FAXC: variants seen among roughly 807,000 people sequenced by gnomAD.
FAXC encodes failed axon connections homolog.
In FAXC, 10 loss-of-function variants were observed where a neutral mutation model predicts 41.9. The observed-to-expected ratio is 0.24, with a 90% CI of 0.15 to 0.41. The LOEUF is 0.41. FAXC is among the 10% of genes least tolerant of loss of function. The pLI is 1.00. For synonymous variants in FAXC, 183 were observed against 183.8 expected (o/e 1.00, Z 0.03); for missense variants, 399 against 510.9 (o/e 0.78, Z 2.11).
At chr6:99,311,693 T>C (rs1449218760) in intron 4 of FAXC, among the ~76,000 whole-genome samples, 3 of 152,206 alleles carry the variant, frequency 2.0e-5, no homozygotes, top group Non-Finnish European at 4.4e-5. Flanking sequence ...CCTCCTCAGC[T>C]ATCATGACAG....
intron 4 of FAXC, among the ~76,000 whole-genome samples, chr6:99,320,818 C>T (rs550638550): frequency 5.9e-5 from 9 of 152,326 alleles, no homozygotes; most frequent in African/African-American, 2.2e-4. Context: ...GGCCAACACA[C>T]TGCCGCCTCA....
At chr6:99,293,714 C>CTG (rs72463794) in intron 4 of FAXC, among the ~76,000 whole-genome samples, 168 of 64,092 alleles carry the variant, frequency 2.6e-3, no homozygotes, top group Middle Eastern at 0.018. Flanking sequence ...GTGTGTGTGT[C>CTG]TGTGTGTGTG....
chr6:99,280,224 T>C lies in FAXC; in HGVS notation c.*940A>G, dbSNP rs1243893293. The C allele has an allele frequency of 6.6e-6, 1 of 152,240 alleles. No homozygotes were observed. The highest frequency in any genetic ancestry group is 1.9e-4 in the East Asian group (1 of 5,206). The allele number at this position is 152,240 out of a possible 1,614,324, so 9.4% of individuals were successfully genotyped here. ...TAATTTGTAAAAACATTTCCAATGT[T>C]CTTTGAACAAAAGATTTTGATTCAG... On this transcript the variant is annotated 3_prime_UTR_variant, in exon 6 of 6. Coordinates refer to ENST00000389677, the MANE Select transcript of FAXC (RefSeq NM_032511.4).
In FAXC at chr6:99,349,568, G is replaced by T; in HGVS notation, c.-196C>A. ...AGGAAGGGCACTGGCCGCGGACGGC[G>T]GGCCTGGCCGGCGGGGCCCCAGAGC... On this transcript the variant is annotated 5_prime_UTR_variant, in exon 1 of 6. Coordinates refer to ENST00000389677, the MANE Select transcript of FAXC (RefSeq NM_032511.4). 1 of 219,480 alleles carries T rather than the reference G, an allele frequency of 4.6e-6. No homozygotes were observed. The highest frequency in any genetic ancestry group is 7.7e-6 in the Non-Finnish European group (1 of 129,196). 13.6% of individuals were successfully genotyped at this position (219,480 alleles called of 1,614,324 possible). A position where few individuals can be genotyped will look rare whatever the true frequency, so the allele number is the denominator to read the frequency against.
intron 1 of FAXC, among the ~76,000 whole-genome samples, chr6:99,348,034 AG>A (rs752245338): frequency 4.5e-4 from 69 of 152,234 alleles, no homozygotes; most frequent in Non-Finnish European, 9.1e-4. Flanking sequence ...TATGTACGTT[AG>A]GCCAAATGCC....
intron 2 of FAXC, among the ~76,000 whole-genome samples, chr6:99,338,654 C>T (rs1044128704): frequency 1.3e-5 from 2 of 152,210 alleles, no homozygotes; most frequent in African/African-American, 4.8e-5. Context: ...GGAATAGAGA[C>T]AGGTAGCTGT....
intron 4 of FAXC, among the ~76,000 whole-genome samples, chr6:99,310,779 C>T (rs923740210): frequency 1.7e-4 from 26 of 152,216 alleles, no homozygotes; most frequent in African/African-American, 6.3e-4. Flanking sequence ...CGTAGATGTT[C>T]ATCCTTTTCC....
At chr6:99,303,368 T>A (rs1329737175) in intron 4 of FAXC, among the ~76,000 whole-genome samples, 1 of 152,238 alleles carries the variant, frequency 6.6e-6, no homozygotes, top group Non-Finnish European at 1.5e-5. Context: ...ATGGCAACTA[T>A]TTATAATACC....
At position 99,329,868 on chromosome 6, in the gene FAXC, G is replaced by A. The variant is rs763853636; in HGVS notation, c.599+3483C>T. ...AATGCCTGTGTGTATGTGTGCACGC[G>A]TGCACACATACACACAGGCATTAGA... On this transcript the variant is annotated intron_variant, in intron 3 of 5. Coordinates refer to ENST00000389677, the MANE Select transcript of FAXC (RefSeq NM_032511.4). Among the ~76,000 whole-genome samples the A allele has an allele frequency of 1.1e-4, 17 of 149,482 alleles. No individual in the cohort carries two copies. In the East Asian group the frequency reaches 1.2e-3, roughly 10 times the overall value.
Position 99,271,694 on chromosome 6 carries a change from A to G in FAXC, c.*9470T>C, listed in dbSNP as rs1011086171. On this transcript the variant is annotated 3_prime_UTR_variant, in exon 6 of 6. Coordinates refer to ENST00000389677, the MANE Select transcript of FAXC (RefSeq NM_032511.4). Reference sequence around the variant, plus strand: ...AGATAAGAGATACTCAATCAGTATTATCACTGAAATGGGAAATTAGGGGGT... The same window carrying G: ...AGATAAGAGATACTCAATCAGTATTGTCACTGAAATGGGAAATTAGGGGGT... 1.1e-4 allele frequency: 16 copies of G among 152,246 alleles called. No homozygotes were observed. The highest frequency in any genetic ancestry group is 3.6e-4 in the African/African-American group (15 of 41,468). 9.4% of individuals were successfully genotyped at this position (152,246 alleles called of 1,614,324 possible). A position where few individuals can be genotyped will look rare whatever the true frequency, so the allele number is the denominator to read the frequency against.
chr6:99,334,860 C>T (rs1773159991), intron 2 of FAXC, among the ~76,000 whole-genome samples: 2 of 152,228 alleles, frequency 1.3e-5, no homozygotes, highest in Non-Finnish European at 1.5e-5. Context: ...CACTGCCCAC[C>T]TGCCCGGTCT....
chr6:99,295,107 C>T (rs1004941728), intron 4 of FAXC, among the ~76,000 whole-genome samples: 10 of 151,994 alleles, frequency 6.6e-5, no homozygotes, highest in Admixed American at 2.0e-4. Flanking sequence ...GAACACAGAA[C>T]GCAAAAGGGA....
chr6:99,284,149 C>G (rs1027050297), intron 5 of FAXC: 3 of 152,220 alleles, frequency 2.0e-5, no homozygotes, highest in African/African-American at 7.2e-5. Flanking sequence ...TGCCCTTCAC[C>G]TCCACTCAAC....
At chr6:99,342,837 G>A (rs374696716) in intron 2 of FAXC, 61 bp downstream of exon 2, 3 of 1,503,656 alleles carry the variant, frequency 2.0e-6, no homozygotes, top group East Asian at 4.6e-5. Flanking sequence ...CCCCCCTTTA[G>A]TTAAATACTC....
At position 99,291,722 on chromosome 6, in the gene FAXC, G is replaced by A. The variant is rs751465118; in HGVS notation, c.922C>T (p.Pro308Ser). ...QAMWTLPGTR[P>S]ERLIKGELIN... Reference sequence around the variant, plus strand: ...GGCTTGCCTTTGATCAGCCGTTCGGGTCTTGTCCCTGGTAAGGTCCACATT... The same window carrying A: ...GGCTTGCCTTTGATCAGCCGTTCGGATCTTGTCCCTGGTAAGGTCCACATT... Residue 308 changes from proline to serine, a missense_variant, in exon 5 of 6, where the codon CCC becomes TCC. Physicochemically the swap from Pro to Ser is moderately conservative, Grantham distance 74. Around this residue, in one of 3 missense-constraint regions of FAXC, gnomAD observed 239 missense variants for 352.7 expected, o/e 0.68. Transcript: ENST00000389677. 1.2e-6 allele frequency: 2 copies of A among 1,613,742 alleles called. No homozygotes were observed. The highest frequency in any genetic ancestry group is 2.7e-5 in the African/African-American group (2 of 74,876).
At chr6:99,333,875 T>C (rs1337316892) in intron 2 of FAXC, among the ~76,000 whole-genome samples, 1 of 152,102 alleles carries the variant, frequency 6.6e-6, no homozygotes, top group Non-Finnish European at 1.5e-5. Context: ...ACCCTAGTAA[T>C]AGTCAGTCTA....
At chr6:99,334,367 C>A (rs922675934) in intron 2 of FAXC, among the ~76,000 whole-genome samples, 3 of 152,170 alleles carry the variant, frequency 2.0e-5, no homozygotes, top group Admixed American at 2.0e-4. Context: ...GAAAATAGAA[C>A]CTCCTCTGGG....
intron 3 of FAXC, among the ~76,000 whole-genome samples, chr6:99,324,700 T>C (rs556289509): frequency 6.6e-6 from 1 of 152,338 alleles, no homozygotes; most frequent in East Asian, 1.9e-4. Context: ...GCAAGAATTT[T>C]TTTTATGGCT....
At chr6:99,300,901 G>C (rs997413787) in intron 4 of FAXC, among the ~76,000 whole-genome samples, 21 of 152,360 alleles carry the variant, frequency 1.4e-4, no homozygotes, top group Admixed American at 1.3e-3. Context: ...TTTTGAGAAA[G>C]CTGAATAGCA....
Sources: allele counts gnomAD v4.1 joint callset (sites outside exome capture counted in the v4.1 genomes callset), GRCh38; gene constraint gnomAD v4.1.1; regional missense constraint gnomAD v4.1.1; transcripts MANE v1.5; gene names NCBI Gene and HGNC (gene_info 2026-07-23, HGNC 2026-07-21).